The following LCLAT1 variants were observed in gnomAD, a reference collection of about 807,000 sequenced individuals.
LCLAT1 encodes the protein 1-AGP acyltransferase 8.
Under a neutral mutation model 30.7 loss-of-function variants are expected in LCLAT1, and 11 were observed. The observed-to-expected ratio is 0.36, with a 90% CI of 0.23 to 0.59. The LOEUF is 0.59. Among genes scored for constraint, LCLAT1 ranks in the 20% least tolerant of loss-of-function variants. The pLI is 0.77. For synonymous variants in LCLAT1, 155 were observed against 151.3 expected, an observed-to-expected ratio of 1.02 and a Z score of -0.18; for missense variants, 402 against 458.6, an observed-to-expected ratio of 0.88 and a Z score of 1.13.
At chr2:30,511,587 G>A (rs1315132125) in intron 1 of LCLAT1, among the ~76,000 whole-genome samples, 1 of 152,172 alleles carries the variant, frequency 6.6e-6, no homozygotes, top group Non-Finnish European at 1.5e-5. Flanking sequence ...AGGACAACTG[G>A]CATAGGACCA....
intron 1 of LCLAT1, among the ~76,000 whole-genome samples, chr2:30,448,652 G>T (rs1363618301): frequency 6.6e-6 from 1 of 152,222 alleles, no homozygotes; most frequent in Non-Finnish European, 1.5e-5. Context: ...GTCTGCATCT[G>T]CCCCCACCAG....
At chr2:30,498,054 G>C (rs932684747) in intron 1 of LCLAT1, among the ~76,000 whole-genome samples, 1 of 152,172 alleles carries the variant, frequency 6.6e-6, no homozygotes. Flanking sequence ...GTGTTACCCA[G>C]AGTTCTTTGT....
chr2:30,592,970 A>G (rs768450632), intron 5 of LCLAT1, among the ~76,000 whole-genome samples: 17 of 152,186 alleles, frequency 1.1e-4, no homozygotes, highest in Non-Finnish European at 2.1e-4. Context: ...AATATATGCA[A>G]TACATTATTA....
intron 1 of LCLAT1, among the ~76,000 whole-genome samples, chr2:30,489,809 G>T (rs1683750298): frequency 6.6e-6 from 1 of 152,218 alleles, no homozygotes; most frequent in Non-Finnish European, 1.5e-5. Context: ...AGCCAGTCAG[G>T]ACTCTAGTTG....
chr2:30,560,704 A>G (rs1279094148), intron 3 of LCLAT1, among the ~76,000 whole-genome samples: 1 of 152,118 alleles, frequency 6.6e-6, no homozygotes, highest in Admixed American at 6.5e-5. Flanking sequence ...GTTCTGTTGT[A>G]TTTATCAAAT....
At chr2:30,628,611 T>C (rs1031021732) in intron 5 of LCLAT1, among the ~76,000 whole-genome samples, 2 of 152,068 alleles carry the variant, frequency 1.3e-5, no homozygotes, top group African/African-American at 2.4e-5. Flanking sequence ...AAACTAGATA[T>C]CTATATATGT....
In LCLAT1 at chr2:30,568,054, GT is replaced by G; in HGVS notation, c.512-3del. On this transcript the variant is annotated splice_region_variant and splice_polypyrimidine_tract_variant and intron_variant, in intron 4 of 5. Coordinates refer to ENST00000379509, the MANE Select transcript of LCLAT1 (RefSeq NM_001002257.3). ...ATGATTTATAATGGTCCATTGTTTT[GT>G]TTAGAAAACAGCAAGTCTCGAAGTA... The G allele has an allele frequency of 6.9e-7, 1 of 1,449,536 alleles. No homozygotes were observed. The highest frequency in any genetic ancestry group is 9.6e-7 in the Non-Finnish European group (1 of 1,041,024). 89.8% of individuals were successfully genotyped at this position (1,449,536 alleles called of 1,614,324 possible).
intron 3 of LCLAT1, among the ~76,000 whole-genome samples, chr2:30,549,988 A>G (rs190889171): frequency 3.9e-5 from 6 of 152,334 alleles, no homozygotes; most frequent in South Asian, 2.1e-4. Context: ...TGTCAAAACT[A>G]TATCTTTAGA....
chr2:30,606,046 C>G, intron 5 of LCLAT1: 1 of 1,298,092 alleles, frequency 7.7e-7, no homozygotes, highest in South Asian at 1.3e-5. Context: ...AGTAAAGGAC[C>G]ACTTCAAGGA....
chr2:30,549,800 A>G (rs150703685), intron 3 of LCLAT1, among the ~76,000 whole-genome samples: 1 of 152,338 alleles, frequency 6.6e-6, no homozygotes, highest in Non-Finnish European at 1.5e-5. Flanking sequence ...TTTATTATAT[A>G]TGTCATTTAA....
At chr2:30,456,515 A>G (rs1255213561) in intron 1 of LCLAT1, among the ~76,000 whole-genome samples, 1 of 150,984 alleles carries the variant, frequency 6.6e-6, no homozygotes, top group African/African-American at 2.4e-5. Flanking sequence ...GCAGCCTTGT[A>G]AGGGTGGAAA....
At chr2:30,557,052 C>A (rs935333664) in intron 3 of LCLAT1, among the ~76,000 whole-genome samples, 2 of 151,828 alleles carry the variant, frequency 1.3e-5, no homozygotes, top group Admixed American at 6.6e-5. Flanking sequence ...CCTAGAAACT[C>A]TTATAATAAT....
chr2:30,569,889 G>T (rs756528596), intron 5 of LCLAT1, among the ~76,000 whole-genome samples: 3 of 152,072 alleles, frequency 2.0e-5, no homozygotes, highest in Non-Finnish European at 4.4e-5. Context: ...CCATCTACCC[G>T]TGGAAGTTCA....
At chr2:30,610,852 C>T (rs561963344) in intron 5 of LCLAT1, among the ~76,000 whole-genome samples, 7 of 152,018 alleles carry the variant, frequency 4.6e-5, no homozygotes, top group South Asian at 2.1e-4. Flanking sequence ...AGGGTCTCCA[C>T]GGACATGAAT....
chr2:30,536,789 A>G (rs1096109), intron 3 of LCLAT1, among the ~76,000 whole-genome samples: 133,666 of 152,256 alleles, frequency 0.88, 59,093 homozygotes, highest in African/African-American at 0.97. Context: ...CAATAAGACA[A>G]GAAGAAAGAT....
At chr2:30,515,693 G>T (rs182140851) in intron 1 of LCLAT1, among the ~76,000 whole-genome samples, 1 of 152,098 alleles carries the variant, frequency 6.6e-6, no homozygotes, top group African/African-American at 2.4e-5. Context: ...TTTTAAAACT[G>T]CACTTAGTTT....
At chr2:30,470,417 T>C (rs1682716398) in intron 1 of LCLAT1, among the ~76,000 whole-genome samples, 1 of 152,234 alleles carries the variant, frequency 6.6e-6, no homozygotes, top group Non-Finnish European at 1.5e-5. Context: ...TGTCCTTTTG[T>C]TATTTTTTAC....
intron 1 of LCLAT1, among the ~76,000 whole-genome samples, chr2:30,458,961 GA>G (rs1439653069): frequency 1.3e-5 from 2 of 152,148 alleles, no homozygotes; most frequent in African/African-American, 4.8e-5. Flanking sequence ...CTGATATAAG[GA>G]AATTACTATA....
chr2:30,462,799 T>C (rs1038436917), intron 1 of LCLAT1, among the ~76,000 whole-genome samples: 1 of 152,200 alleles, frequency 6.6e-6, no homozygotes, highest in African/African-American at 2.4e-5. Flanking sequence ...AATTTTAAAC[T>C]ATAAAAGTTC....
Sources: allele counts gnomAD v4.1 joint callset (sites outside exome capture counted in the v4.1 genomes callset), GRCh38; gene constraint gnomAD v4.1.1; transcripts MANE v1.5; gene names NCBI Gene and HGNC (gene_info 2026-07-23, HGNC 2026-07-21).